CYP20A1: variants seen among roughly 807,000 people sequenced by gnomAD.
CYP20A1 encodes cytochrome P450 family 20 subfamily A member 1, also known as cytochrome P450 20A1.
A neutral mutation model predicts 61.4 loss-of-function variants in CYP20A1; 61 were observed. The observed-to-expected ratio is 0.99, with a 90% CI of 0.81 to 1.23. CYP20A1 has a LOEUF of 1.23. Among genes scored for constraint, CYP20A1 ranks in the 50% most tolerant of loss-of-function variants. CYP20A1 has a pLI of 0.00. For synonymous variants in CYP20A1, 193 were observed against 188.2 expected (o/e 1.03, Z -0.21); for missense variants, 530 against 542.4 (o/e 0.98, Z 0.23).
At position 203,266,632 on chromosome 2, in the gene CYP20A1, C is replaced by T. The variant is rs776736759; in HGVS notation, c.551C>T (p.Thr184Ile). Residue 184 changes from threonine (T) to isoleucine (I), a missense_variant, in exon 5 of 13, where the codon ACA becomes ATA. Coordinates refer to ENST00000356079, the MANE Select transcript of CYP20A1 (RefSeq NM_177538.3). ...KSVTQMVMGS[T>I]FEDDQEVIRF... ...GTTACACAGATGGTAATGGGTAGTA[C>T]ATTTGAAGATGATCAGGAAGTCATT... 4.3e-6 allele frequency: 7 copies of T among 1,613,776 alleles called. No individual in the cohort carries two copies. The highest frequency in any genetic ancestry group is 4.0e-5 in the African/African-American group (3 of 74,894).
At chr2:203,264,560 T>G (rs989580885) in intron 4 of CYP20A1, among the ~76,000 whole-genome samples, 1 of 152,138 alleles carries the variant, frequency 6.6e-6, no homozygotes, top group Non-Finnish European at 1.5e-5. Context: ...TAGTATATAG[T>G]TGTATTTTTT....
At chr2:203,260,368 G>A (rs963240840) in intron 4 of CYP20A1, among the ~76,000 whole-genome samples, 15 of 151,204 alleles carry the variant, frequency 9.9e-5, no homozygotes, top group African/African-American at 3.4e-4. Context: ...AAGTATAGGC[G>A]TGTGCCACGA....
At chr2:203,255,184 C>T (rs546129834) in intron 4 of CYP20A1, among the ~76,000 whole-genome samples, 2 of 152,136 alleles carry the variant, frequency 1.3e-5, no homozygotes, top group African/African-American at 4.8e-5. Context: ...TGTATTTTCC[C>T]GTGCTTTGCA....
intron 4 of CYP20A1, among the ~76,000 whole-genome samples, chr2:203,260,367 C>T (rs1443958569): frequency 2.7e-5 from 4 of 150,306 alleles, no homozygotes; most frequent in South Asian, 2.1e-4. Flanking sequence ...GAAGTATAGG[C>T]GTGTGCCACG....
rs771563008 is a variant in CYP20A1 at position 203,278,607 on chromosome 2, C to G, written c.714C>G (p.Ile238Met). The change falls in exon 7 of 13, where the codon ATC becomes ATG. Residue 238 changes from isoleucine to methionine, a missense_variant. Physicochemically the swap from Ile to Met is conservative, Grantham distance 10. Transcript: ENST00000356079. The part of the protein sequence containing the change: ...LMQLESVLRN[I>M]IKERKGRNFS... Reference sequence around the variant, plus strand: ...AACTGGAGTCTGTTTTAAGGAACATCATAAAAGAACGAAAAGGAAGGAACT... The same window carrying G: ...AACTGGAGTCTGTTTTAAGGAACATGATAAAAGAACGAAAAGGAAGGAACT... The G allele has an allele frequency of 1.2e-6, 2 of 1,605,018 alleles. No homozygotes were observed. Among genetic ancestry groups the G allele is most frequent in the South Asian group, 2.3e-5 (2 of 88,712 alleles).
chr2:203,245,538 A>G (rs184288657), intron 1 of CYP20A1, among the ~76,000 whole-genome samples: 30 of 151,896 alleles, frequency 2.0e-4, no homozygotes, highest in African/African-American at 7.0e-4. Context: ...GTTCCCCTCT[A>G]TGTGTCCATG....
intron 7 of CYP20A1, 31 bp downstream of exon 7, chr2:203,278,719 A>G: frequency 7.9e-7 from 1 of 1,272,292 alleles, no homozygotes; most frequent in Non-Finnish European, 1.1e-6. Flanking sequence ...TTATCAGGTA[A>G]AAAAATAAGC....
chr2:203,281,134 G>T (rs1167696195), intron 8 of CYP20A1, among the ~76,000 whole-genome samples: 1 of 152,060 alleles, frequency 6.6e-6, no homozygotes, highest in Non-Finnish European at 1.5e-5. Context: ...TAGATTGGTG[G>T]AGTACCATTT....
chr2:203,263,250 A>G (rs1365614085), intron 4 of CYP20A1, among the ~76,000 whole-genome samples: 1 of 150,096 alleles, frequency 6.7e-6, no homozygotes, highest in African/African-American at 2.5e-5. Context: ...CGGCCTCCCA[A>G]AGTGCTGGGA....
chr2:203,258,005 G>GCTCAAGTGCTGTGGCACAATT (rs1455916330), intron 4 of CYP20A1, among the ~76,000 whole-genome samples: 1 of 151,748 alleles, frequency 6.6e-6, no homozygotes, highest in Non-Finnish European at 1.5e-5. Flanking sequence ...GGGCTGAAGG[G>GCTCAAGTGCTGTGGCACAATT]ATCCTCCTGC....
At chr2:203,243,282 T>C (rs1297067744) in intron 1 of CYP20A1, among the ~76,000 whole-genome samples, 1 of 151,848 alleles carries the variant, frequency 6.6e-6, no homozygotes, top group Non-Finnish European at 1.5e-5. Context: ...AAGCTGAGAG[T>C]ACAGGCGTGT....
intron 1 of CYP20A1, among the ~76,000 whole-genome samples, chr2:203,241,740 T>C (rs926030319): frequency 6.6e-6 from 1 of 152,184 alleles, no homozygotes; most frequent in Non-Finnish European, 1.5e-5. Context: ...TCATAGCTCA[T>C]TGTAACCTCA....
intron 11 of CYP20A1, among the ~76,000 whole-genome samples, chr2:203,295,224 C>T (rs1040569264): frequency 2.0e-5 from 3 of 151,706 alleles, no homozygotes; most frequent in African/African-American, 7.3e-5. Flanking sequence ...GGATTACAGG[C>T]GTGAGCCACC....
chr2:203,260,413 A>C lies in CYP20A1; in HGVS notation c.433-6101A>C, dbSNP rs528007886. Among the ~76,000 whole-genome samples the C allele has an allele frequency of 3.6e-5, 5 of 139,090 alleles. No homozygotes were observed. In the South Asian group the frequency reaches 1.2e-3, roughly 32 times the overall value. The allele number at this position is 139,090 out of a possible 152,430, so 91.2% of individuals were successfully genotyped here. On this transcript the variant is annotated intron_variant, in intron 4 of 12. Coordinates refer to ENST00000356079, the MANE Select transcript of CYP20A1 (RefSeq NM_177538.3). Reference sequence around the variant, plus strand: ...AATTTTATATTTTTAGTAGAGACGGAGTTTCACCATGTTGGCCAGGCTGGT... The same window carrying C: ...AATTTTATATTTTTAGTAGAGACGGCGTTTCACCATGTTGGCCAGGCTGGT...
chr2:203,249,522 G>A (rs1056149678), intron 3 of CYP20A1, among the ~76,000 whole-genome samples: 3 of 152,050 alleles, frequency 2.0e-5, no homozygotes, highest in Non-Finnish European at 4.4e-5. Flanking sequence ...CCACCAATAT[G>A]TTAAATATAT....
chr2:203,249,497 T>C (rs1381754838), intron 3 of CYP20A1, among the ~76,000 whole-genome samples: 1 of 152,084 alleles, frequency 6.6e-6, no homozygotes, highest in East Asian at 1.9e-4. Flanking sequence ...AAAAGAGAAA[T>C]GGAAAAGTAA....
rs1200032184 is a variant in CYP20A1, at chr2:203,297,993, C to CA, written c.*1094dup. 3.7e-3 allele frequency: 550 copies of CA among 149,706 alleles called. 6 individuals are homozygous for CA. Among genetic ancestry groups the CA allele is most frequent in the African/African-American group, 0.013 (525 of 40,804 alleles). The allele number at this position is 149,706 out of a possible 1,614,324, so 9.3% of individuals were successfully genotyped here. A position where few individuals can be genotyped will look rare whatever the true frequency, so the allele number is the denominator to read the frequency against. On this transcript the variant is annotated 3_prime_UTR_variant, in exon 13 of 13. Coordinates refer to ENST00000356079, the MANE Select transcript of CYP20A1 (RefSeq NM_177538.3). ...GAGCAAGACTCTGTCTCAAGAAAAA[C>CA]AAAAAAAAAGATAAATGGACAAAAG...
Position 203,293,904 on chromosome 2 carries a change from A to G in CYP20A1, c.1148+1578A>G, listed in dbSNP as rs75767711. ...TGTTTTTAATATATGCATTTCTTCAATGACTTTACAGAGTGAAATTCTATA... is the reference window on the plus strand; with the variant it reads ...TGTTTTTAATATATGCATTTCTTCAGTGACTTTACAGAGTGAAATTCTATA... On this transcript the variant is annotated intron_variant, in intron 11 of 12. Coordinates refer to ENST00000356079, the MANE Select transcript of CYP20A1 (RefSeq NM_177538.3). Among the ~76,000 whole-genome samples, 1,351 of 152,214 alleles carry G rather than the reference A, an allele frequency of 8.9e-3. 34 individuals are homozygous for G. Among genetic ancestry groups the G allele is most frequent in the East Asian group, 0.082 (426 of 5,178 alleles).
Position 203,239,153 on chromosome 2 carries a change from C to T in CYP20A1, c.72+19C>T, listed in dbSNP as rs749887955. The T allele has an allele frequency of 5.6e-6, 9 of 1,608,486 alleles. No individual in the cohort carries two copies. The African/African-American group carries it at 6.7e-5, about 12-fold the overall frequency. On this transcript the variant is annotated intron_variant, in intron 1 of 12. Coordinates refer to ENST00000356079, the MANE Select transcript of CYP20A1 (RefSeq NM_177538.3). ...CTATCCGGTGAGCGCCGTCTTGGCT[C>T]TCTGGGGCCCCGGGCGCCGCCCCAG... is the stretch of plus-strand genomic sequence containing the variant.
Sources: gnomAD v4.1 joint callset for allele counts (sites outside exome capture counted in the v4.1 genomes callset) on GRCh38, gnomAD v4.1.1 for gene constraint, MANE v1.5 for transcripts, NCBI Gene and HGNC (gene_info 2026-07-23, HGNC 2026-07-21) for gene names.